The following ANKIB1 variants were observed in gnomAD, a reference collection of about 807,000 sequenced individuals.
ANKIB1 encodes ankyrin repeat and IBR domain-containing protein 1.
A neutral mutation model predicts 122.1 loss-of-function variants in ANKIB1; 43 were observed. The observed-to-expected ratio is 0.35, with a 90% CI of 0.28 to 0.45. The LOEUF (loss-of-function observed/expected upper bound fraction) is 0.45, where lower values mean the gene tolerates loss of function less well. Among genes scored for constraint, ANKIB1 ranks in the 20% least tolerant of loss-of-function variants. ANKIB1 has a pLI of 1.00. For missense variants in ANKIB1, 992 were observed against 1,329.5 expected, an observed-to-expected ratio of 0.75 and a Z score of 3.95; for synonymous variants, 390 against 442.0, an observed-to-expected ratio of 0.88 and a Z score of 1.48.
chr7:92,276,815 G>T (rs1801914693), intron 1 of ANKIB1, among the ~76,000 whole-genome samples: 1 of 152,216 alleles, frequency 6.6e-6, no homozygotes. Context: ...CATGAAAGGA[G>T]TGCATTTCCA....
At chr7:92,304,711 C>G (rs1055075578) in intron 2 of ANKIB1, among the ~76,000 whole-genome samples, 7 of 151,980 alleles carry the variant, frequency 4.6e-5, no homozygotes, top group Admixed American at 3.9e-4. Flanking sequence ...AGATAATAAT[C>G]TTGAATACAT....
At chr7:92,363,027 A>C (rs958271774) in intron 10 of ANKIB1, among the ~76,000 whole-genome samples, 6 of 152,196 alleles carry the variant, frequency 3.9e-5, no homozygotes, top group Non-Finnish European at 5.9e-5. Context: ...AAAAAATATA[A>C]GTGAAAATTA....
intron 1 of ANKIB1, among the ~76,000 whole-genome samples, chr7:92,284,056 A>G (rs1408736228): frequency 6.6e-6 from 1 of 152,224 alleles, no homozygotes; most frequent in Non-Finnish European, 1.5e-5. Flanking sequence ...GACATGAGCC[A>G]CTGCACCCGG....
At chr7:92,247,646 A>T (rs550137732) in intron 1 of ANKIB1, among the ~76,000 whole-genome samples, 56 of 152,246 alleles carry the variant, frequency 3.7e-4, no homozygotes, top group Non-Finnish European at 7.2e-4. Context: ...TCCAGAAATT[A>T]GATTTAAAAA....
intron 11 of ANKIB1, among the ~76,000 whole-genome samples, chr7:92,382,191 A>G (rs1361731021): frequency 1.3e-5 from 2 of 152,230 alleles, no homozygotes; most frequent in Admixed American, 6.5e-5. Context: ...AGAGCTAACT[A>G]TCCTAAATAT....
intron 1 of ANKIB1, among the ~76,000 whole-genome samples, chr7:92,280,200 A>G (rs894076363): frequency 6.6e-6 from 1 of 152,386 alleles, no homozygotes; most frequent in Non-Finnish European, 1.5e-5. Context: ...AATTACAAGC[A>G]TATAACATTT....
chr7:92,365,922 G>A (rs939404924), intron 10 of ANKIB1, among the ~76,000 whole-genome samples: 3 of 134,722 alleles, frequency 2.2e-5, no homozygotes, highest in South Asian at 2.6e-4. Flanking sequence ...CCAGCCTCCC[G>A]AGTAGCTGGG....
chr7:92,390,247 G>A (rs910641483), intron 15 of ANKIB1, 131 bp downstream of exon 15: 22 of 756,812 alleles, frequency 2.9e-5, no homozygotes, highest in Admixed American at 7.8e-5. Flanking sequence ...TTTTTTAAAT[G>A]GTTTTTAAAT....
intron 11 of ANKIB1, among the ~76,000 whole-genome samples, chr7:92,375,834 A>T (rs985220531): frequency 6.6e-6 from 1 of 152,230 alleles, no homozygotes; most frequent in African/African-American, 2.4e-5. Context: ...TTAGCCTTAC[A>T]AAATACATTT....
chr7:92,273,381 A>C (rs1006578584), intron 1 of ANKIB1, among the ~76,000 whole-genome samples: 1 of 152,202 alleles, frequency 6.6e-6, no homozygotes, highest in Non-Finnish European at 1.5e-5. Flanking sequence ...TTCCACTTTC[A>C]GCTTTGTCCT....
At chr7:92,389,239 A>G (rs552051050) in intron 14 of ANKIB1, among the ~76,000 whole-genome samples, 1 of 152,324 alleles carries the variant, frequency 6.6e-6, no homozygotes, top group African/African-American at 2.4e-5. Flanking sequence ...TTGTGTACAC[A>G]TACTGAATTT....
intron 11 of ANKIB1, 25 bp downstream of exon 11, chr7:92,371,632 A>T: frequency 1.3e-6 from 2 of 1,581,154 alleles, no homozygotes; most frequent in East Asian, 2.3e-5. Context: ...AGGATTTTGC[A>T]TGCTTTGCAT....
intron 1 of ANKIB1, among the ~76,000 whole-genome samples, chr7:92,268,645 T>C (rs1419459170): frequency 6.6e-6 from 1 of 152,098 alleles, no homozygotes; most frequent in African/African-American, 2.4e-5. Context: ...CTGGCTAATT[T>C]TTGTATTTTT....
intron 1 of ANKIB1, among the ~76,000 whole-genome samples, chr7:92,260,283 A>G (rs923214908): frequency 6.6e-6 from 1 of 152,176 alleles, no homozygotes; most frequent in Non-Finnish European, 1.5e-5. Context: ...TCGAACACAC[A>G]GGGTATGCTC....
rs1317398479 is a variant in ANKIB1 at position 92,400,297 on chromosome 7, G to A, written c.*1348G>A. The stretch of plus-strand genomic sequence containing the variant: ...ACTTCCTAGTTATCAGTGTCTTACT[G>A]TGAAGAAAATACTGGTCTTAGTTGT... On this transcript the variant is annotated 3_prime_UTR_variant, in exon 20 of 20. Transcript: ENST00000265742. 6.6e-6 allele frequency: 1 copy of A among 152,214 alleles called. No homozygotes were observed. Among genetic ancestry groups the A allele is most frequent in the African/African-American group, 2.4e-5 (1 of 41,454 alleles). 9.4% of individuals were successfully genotyped at this position (152,214 alleles called of 1,614,324 possible).
chr7:92,325,041 A>G (rs972011611), intron 4 of ANKIB1, among the ~76,000 whole-genome samples: 1 of 152,242 alleles, frequency 6.6e-6, no homozygotes, highest in African/African-American at 2.4e-5. Flanking sequence ...TGTGATGGCT[A>G]GGAAGAGTGT....
At chr7:92,335,794 C>T (rs140521347) in intron 5 of ANKIB1, among the ~76,000 whole-genome samples, 3,003 of 151,950 alleles carry the variant, frequency 0.02, 46 homozygotes, top group Middle Eastern at 0.048. Flanking sequence ...TTTAGGTCTT[C>T]CATTTCACTG....
At position 92,295,978 on chromosome 7, in the gene ANKIB1, ATTTTC is replaced by A. The variant is rs1802346870; in HGVS notation, c.188+815_188+819del. On this transcript the variant is annotated intron_variant, in intron 2 of 19. Coordinates refer to ENST00000265742, the MANE Select transcript of ANKIB1 (RefSeq NM_019004.2). ...TGGAAGAGAAAGGAAAAAAATGCTT[ATTTTC>A]TTATGCAGTGAAATATAATTCTAGA... Among the ~76,000 whole-genome samples, 4 of 152,232 alleles carry A rather than the reference ATTTTC, an allele frequency of 2.6e-5. No homozygotes were observed. The South Asian group carries it at 8.3e-4, about 32-fold the overall frequency.
intron 1 of ANKIB1, among the ~76,000 whole-genome samples, chr7:92,255,677 A>G (rs1430936227): frequency 6.6e-6 from 1 of 152,166 alleles, no homozygotes; most frequent in Non-Finnish European, 1.5e-5. Flanking sequence ...CTGTTCTTTG[A>G]AAAAAATAGT....
Sources: allele counts gnomAD v4.1 joint callset (sites outside exome capture counted in the v4.1 genomes callset), GRCh38; gene constraint gnomAD v4.1.1; transcripts MANE v1.5; gene names NCBI Gene and HGNC (gene_info 2026-07-23, HGNC 2026-07-21).